FAM168B: variants seen among roughly 807,000 people sequenced by gnomAD.
FAM168B encodes family with sequence similarity 168 member B, also known as myelin-associated neurite-outgrowth inhibitor.
FAM168B carries 19 observed loss-of-function variants against 21.8 expected under a neutral mutation model. The ratio of observed to expected loss-of-function variants is 0.87; its 90% CI spans 0.61 to 1.28. The LOEUF (loss-of-function observed/expected upper bound fraction) is 1.28, where lower values mean the gene tolerates loss of function less well. Among genes scored for constraint, FAM168B ranks in the 50% most tolerant of loss-of-function variants. FAM168B has a pLI of 0.00. For synonymous variants in FAM168B, 126 were observed against 104.8 expected (o/e 1.20, Z -1.24); for missense variants, 233 against 263.1 (o/e 0.89, Z 0.79).
At chr2:131,083,334 CAG>C (rs1205760315) in intron 1 of FAM168B, among the ~76,000 whole-genome samples, 1 of 152,130 alleles carries the variant, frequency 6.6e-6, no homozygotes, top group Admixed American at 6.5e-5. Context: ...AGCCTGGCGA[CAG>C]AGCGAGACTC....
intron 2 of FAM168B, among the ~76,000 whole-genome samples, chr2:131,072,485 G>T (rs1324571739): frequency 1.3e-5 from 2 of 149,204 alleles, no homozygotes; most frequent in African/African-American, 2.5e-5. Flanking sequence ...TTTTGGAGGG[G>T]GACAGAGTTT....
At chr2:131,090,524 A>G (rs1693955267) in intron 1 of FAM168B, among the ~76,000 whole-genome samples, 1 of 152,134 alleles carries the variant, frequency 6.6e-6, no homozygotes, top group Admixed American at 6.6e-5. Context: ...TACAAGATAC[A>G]ATACTCAGAA....
At position 131,055,308 on chromosome 2, in the gene FAM168B, C is replaced by T. The variant is rs1255512590; in HGVS notation, c.439G>A (p.Gly147Ser). ...PPPRGNGVTMGMVAGTTMAMS... is the reference protein window; with the variant it reads ...PPPRGNGVTMSMVAGTTMAMS... ...GCCATGGTGGTCCCAGCCACCATGC[C>T]CATGGTGACCCCGTTGCCTCTAGGA... Residue 147 changes from glycine to serine, a missense_variant, in exon 5 of 7, where the codon GGC becomes AGC. Coordinates refer to ENST00000389915, the MANE Select transcript of FAM168B (RefSeq NM_001009993.4). 1 of 1,583,024 alleles carries T rather than the reference C, an allele frequency of 6.3e-7. No individual in the cohort carries two copies. Among genetic ancestry groups the T allele is most frequent in the African/African-American group, 1.4e-5 (1 of 72,810 alleles).
intron 2 of FAM168B, among the ~76,000 whole-genome samples, chr2:131,072,455 A>G (rs1692922946): frequency 6.6e-6 from 1 of 150,558 alleles, no homozygotes; most frequent in African/African-American, 2.5e-5. Context: ...TAACAATTAT[A>G]TATTTTATTT....
chr2:131,055,450 C>A lies in FAM168B; in HGVS notation c.298-1G>T. On this transcript the variant is annotated splice_acceptor_variant, in intron 4 of 6. Transcript: ENST00000389915. LOFTEE classifies it high-confidence loss of function. ...GCGGCTGTGTGTAGTACGTGCCTTG[C>A]TGTGGGGAGAAGAGAGACAACTGAC... 6.2e-7 allele frequency: 1 copy of A among 1,608,114 alleles called. No individual in the cohort carries two copies. The highest frequency in any genetic ancestry group is 8.5e-7 in the Non-Finnish European group (1 of 1,178,288).
At chr2:131,077,349 G>A in intron 2 of FAM168B, among the ~76,000 whole-genome samples, 1 of 152,132 alleles carries the variant, frequency 6.6e-6, no homozygotes. Flanking sequence ...AGAAGTATGT[G>A]GGTCAACAGT....
Position 131,048,088 on chromosome 2 carries a change from G to C in FAM168B, c.*4377C>G. 1 of 869,610 alleles carries C rather than the reference G, an allele frequency of 1.1e-6. No homozygotes were observed. The highest frequency in any genetic ancestry group is 1.8e-5 in the South Asian group (1 of 54,176). The allele number at this position is 869,610 out of a possible 1,614,324, so 53.9% of individuals were successfully genotyped here. On this transcript the variant is annotated 3_prime_UTR_variant, in exon 7 of 7. Transcript: ENST00000389915. ...ACGTAAGTTCAATGCAGAGGTGAGG[G>C]ATGCCTTTAACACTGGAAGACAATG...
chr2:131,072,575 C>T (rs1057051569), intron 2 of FAM168B, among the ~76,000 whole-genome samples: 1 of 152,122 alleles, frequency 6.6e-6, no homozygotes, highest in African/African-American at 2.4e-5. Flanking sequence ...TCTCCTGCCT[C>T]AGCCTTCCGA....
chr2:131,080,648 A>G (rs920300201), intron 2 of FAM168B, among the ~76,000 whole-genome samples: 2 of 149,604 alleles, frequency 1.3e-5, no homozygotes, highest in African/African-American at 4.9e-5. Context: ...TATAATCTTT[A>G]TAATAAGCAC....
chr2:131,053,119 AG>A (rs767863273), intron 5 of FAM168B, 104 bp from the exon 6 acceptor site: 120 of 1,406,416 alleles, frequency 8.5e-5, no homozygotes, highest in Non-Finnish European at 1.1e-4. Flanking sequence ...GAGGGTATAC[AG>A]GAAGAGGGAT....
At position 131,068,692 on chromosome 2, in the gene FAM168B, C is replaced by T. The variant is rs532032195; in HGVS notation, c.154+3163G>A. Among the ~76,000 whole-genome samples, 4 of 152,246 alleles carry T rather than the reference C, an allele frequency of 2.6e-5. No individual in the cohort carries two copies. The South Asian group carries it at 6.2e-4, about 24-fold the overall frequency. On this transcript the variant is annotated intron_variant, in intron 3 of 6. Coordinates refer to ENST00000389915, the MANE Select transcript of FAM168B (RefSeq NM_001009993.4). ...GGAAAAGGGACAACACAGGCCTTAC[C>T]TCCCTATGAGAAAGGAGAGATGTTC...
At chr2:131,057,968 TTGCAGGCATG>T (rs1451044503) in intron 3 of FAM168B, among the ~76,000 whole-genome samples, 16 of 152,136 alleles carry the variant, frequency 1.1e-4, no homozygotes, top group Non-Finnish European at 1.5e-5. Flanking sequence ...GTAGCTGGGA[TTGCAGGCATG>T]TGCCACCACA....
chr2:131,062,740 G>A (rs1028770762), intron 3 of FAM168B, among the ~76,000 whole-genome samples: 19 of 152,276 alleles, frequency 1.2e-4, no homozygotes, highest in Admixed American at 5.2e-4. Flanking sequence ...GAGCCGCCGC[G>A]TCCGGCCTAC....
intron 2 of FAM168B, among the ~76,000 whole-genome samples, chr2:131,077,379 C>T (rs1693211514): frequency 6.6e-6 from 1 of 152,138 alleles, no homozygotes; most frequent in African/African-American, 2.4e-5. Context: ...AGGACCAGGC[C>T]GCTGGTGCCT....
rs1195436032 is a variant in FAM168B, at chr2:131,089,179, T to C, written c.-12+4035A>G. Among the ~76,000 whole-genome samples the C allele has an allele frequency of 7.9e-5, 12 of 152,030 alleles. No individual in the cohort carries two copies. In the East Asian group the frequency reaches 1.6e-3, roughly 20 times the overall value. ...CGGGGTTTCTCCACGTTGGTCAGGT[T>C]GGTCTCGAACTTCCGACCTCAGGTG... On this transcript the variant is annotated intron_variant, in intron 1 of 6. Coordinates refer to ENST00000389915, the MANE Select transcript of FAM168B (RefSeq NM_001009993.4).
intron 1 of FAM168B, among the ~76,000 whole-genome samples, chr2:131,083,257 G>A (rs778496553): frequency 1.9e-4 from 29 of 152,240 alleles, no homozygotes; most frequent in Non-Finnish European, 3.4e-4. Flanking sequence ...AGAACGCTAA[G>A]GCAGGAGAAT....
chr2:131,087,904 G>T (rs905296896), intron 1 of FAM168B, among the ~76,000 whole-genome samples: 4 of 152,168 alleles, frequency 2.6e-5, no homozygotes, highest in African/African-American at 9.7e-5. Flanking sequence ...GATGTTAGGA[G>T]GCTCTCCTTC....
chr2:131,079,217 C>T (rs1693314318), intron 2 of FAM168B, among the ~76,000 whole-genome samples: 1 of 152,142 alleles, frequency 6.6e-6, no homozygotes, highest in Non-Finnish European at 1.5e-5. Flanking sequence ...GTGGCTCAGG[C>T]CTGTAATCCC....
At chr2:131,074,702 A>C (rs1693047856) in intron 2 of FAM168B, among the ~76,000 whole-genome samples, 1 of 152,186 alleles carries the variant, frequency 6.6e-6, no homozygotes, top group Non-Finnish European at 1.5e-5. Context: ...CAAAGCAAGG[A>C]AGCCCTAAGG....
Sources: gnomAD v4.1 joint callset for allele counts (sites outside exome capture counted in the v4.1 genomes callset) on GRCh38, gnomAD v4.1.1 for gene constraint, MANE v1.5 for transcripts, NCBI Gene and HGNC (gene_info 2026-07-23, HGNC 2026-07-21) for gene names.